ZDHHC15: variants seen among roughly 807,000 people sequenced by gnomAD.
ZDHHC15 encodes the protein zDHHC palmitoyltransferase 15.
In ZDHHC15, 19 loss-of-function variants were observed where a neutral mutation model predicts 31.7. The observed-to-expected ratio is 0.60, with a 90% CI of 0.42 to 0.88. ZDHHC15 has a LOEUF of 0.88. ZDHHC15 is among the 40% of genes least tolerant of loss of function. ZDHHC15 has a pLI of 0.00. For missense variants in ZDHHC15, 209 were observed against 251.2 expected, an observed-to-expected ratio of 0.83 and a Z score of 1.14; for synonymous variants, 103 against 90.0, an observed-to-expected ratio of 1.14 and a Z score of -0.82.
chrX:75,459,010 AAC>A (rs749549092), intron 3 of ZDHHC15, among the ~76,000 whole-genome samples: 1,467 of 93,865 alleles, frequency 0.016, 54 homozygotes, highest in Middle Eastern at 0.024. Flanking sequence ...AAAAAAAAAA[AAC>A]AACCCCCAGC....
chrX:75,415,189 C>A (rs983780306), intron 10 of ZDHHC15, among the ~76,000 whole-genome samples: 5 of 111,904 alleles, frequency 4.5e-5, no homozygotes, highest in African/African-American at 1.6e-4. Flanking sequence ...ACTTACAGCA[C>A]CTTTCCTAGG....
chrX:75,385,464 G>C (rs139644826), intron 10 of ZDHHC15, among the ~76,000 whole-genome samples: 3 of 111,615 alleles, frequency 2.7e-5, no homozygotes, highest in African/African-American at 9.8e-5. Flanking sequence ...TTAGTCTTAC[G>C]TCTAAGGTCC....
chrX:75,383,734 GGTTTTTTTT>G (rs1220129457), intron 10 of ZDHHC15, among the ~76,000 whole-genome samples: 2 of 77,793 alleles, frequency 2.6e-5, no homozygotes, highest in Non-Finnish European at 4.8e-5. Context: ...AGAAATGTTA[GGTTTTTTTT>G]TTTTTTTTTT....
At chrX:75,506,441 T>A (rs1354188145) in intron 1 of ZDHHC15, among the ~76,000 whole-genome samples, 1 of 111,832 alleles carries the variant, frequency 8.9e-6, no homozygotes, top group Non-Finnish European at 1.9e-5. Flanking sequence ...CACATATAGG[T>A]CTATTTTATT....
At chrX:75,476,256 T>G (rs1419734314) in intron 3 of ZDHHC15, among the ~76,000 whole-genome samples, 1 of 111,310 alleles carries the variant, frequency 9.0e-6, no homozygotes, top group Non-Finnish European at 1.9e-5. Context: ...TTCTTATTTT[T>G]TTTTTTAAGA....
chrX:75,510,767 C>T (rs1377176873), intron 1 of ZDHHC15, among the ~76,000 whole-genome samples: 1 of 74,692 alleles, frequency 1.3e-5, no homozygotes, highest in Admixed American at 1.8e-4. Context: ...TGATATTCCC[C>T]TTCCTGTGTC....
intron 2 of ZDHHC15, among the ~76,000 whole-genome samples, chrX:75,497,493 C>T (rs183715194): frequency 1.8e-4 from 20 of 111,110 alleles, no homozygotes; most frequent in Admixed American, 6.7e-4. Context: ...CCAGTATCGC[C>T]CTAATACCAA....
intron 10 of ZDHHC15, among the ~76,000 whole-genome samples, chrX:75,389,771 C>T (rs767204557): frequency 9.1e-6 from 1 of 110,257 alleles, no homozygotes; most frequent in African/African-American, 3.3e-5. Flanking sequence ...TAGGTGTCAC[C>T]CAACATATGC....
rs747127842 is a variant in ZDHHC15 at position 75,522,994 on chromosome X, C to G, written c.31G>C (p.Gly11Arg). The change falls in exon 1 of 12, where the codon GGG becomes CGG. Residue 11 changes from glycine (G) to arginine (R), a missense_variant. By Grantham distance (125) the Gly-to-Arg change is moderately radical. Transcript: ENST00000373367. ...ACCCGGCGGCAGCACCGCAGCCCCC[C>G]AGACAGAGCCATCTTCCAGCCTCGC... MRRGWKMALS[G>R]GLRCCRRVLS... is the part of the protein sequence containing the mutation. 1 of 1,210,998 alleles carries G rather than the reference C, an allele frequency of 8.3e-7. No individual in the cohort carries two copies. Among genetic ancestry groups the G allele is most frequent in the Non-Finnish European group, 1.1e-6 (1 of 895,107 alleles).
chrX:75,384,989 T>G (rs1253879061), intron 10 of ZDHHC15, among the ~76,000 whole-genome samples: 4 of 112,276 alleles, frequency 3.6e-5, no homozygotes, highest in African/African-American at 1.3e-4. Flanking sequence ...AAGTACTTTC[T>G]TTGAGGTAGA....
chrX:75,437,968 G>A (rs1306359741), intron 4 of ZDHHC15, among the ~76,000 whole-genome samples: 1 of 110,922 alleles, frequency 9.0e-6, no homozygotes, highest in African/African-American at 3.3e-5. Flanking sequence ...AGTGGGCAAA[G>A]GACATGAACA....
intron 3 of ZDHHC15, among the ~76,000 whole-genome samples, chrX:75,457,680 C>G (rs1235498929): frequency 1.8e-5 from 2 of 109,227 alleles, no homozygotes; most frequent in Non-Finnish European, 3.8e-5. Flanking sequence ...CACACACACA[C>G]AGAGTCTCTG....
intron 3 of ZDHHC15, among the ~76,000 whole-genome samples, chrX:75,456,210 C>T (rs1034805963): frequency 1.8e-5 from 2 of 110,797 alleles, no homozygotes; most frequent in Non-Finnish European, 3.8e-5. Flanking sequence ...GTAGCAACAT[C>T]GATGAAGCTG....
chrX:75,509,743 C>A (rs1041120431), intron 1 of ZDHHC15, among the ~76,000 whole-genome samples: 1 of 112,472 alleles, frequency 8.9e-6, no homozygotes, highest in Non-Finnish European at 1.9e-5. Flanking sequence ...TAAGTAATAA[C>A]ATATGTGTAA....
chrX:75,500,405 T>C, intron 2 of ZDHHC15, among the ~76,000 whole-genome samples: 1 of 109,339 alleles, frequency 9.1e-6, no homozygotes, highest in Non-Finnish European at 1.9e-5. Context: ...TATTAAAAAA[T>C]ATAGTTTCAG....
At chrX:75,412,652 C>T (rs1036991139) in intron 10 of ZDHHC15, among the ~76,000 whole-genome samples, 9 of 110,764 alleles carry the variant, frequency 8.1e-5, no homozygotes, top group Non-Finnish European at 1.3e-4. Flanking sequence ...AGGATGGTCT[C>T]GATCTCCTGA....
intron 3 of ZDHHC15, among the ~76,000 whole-genome samples, chrX:75,462,219 A>G (rs1239680074): frequency 8.9e-6 from 1 of 112,737 alleles, no homozygotes; most frequent in African/African-American, 3.2e-5. Context: ...CAATTCAACA[A>G]GAAGAGCTTT....
chrX:75,520,126 G>A (rs1346955268), intron 1 of ZDHHC15, among the ~76,000 whole-genome samples: 1 of 112,024 alleles, frequency 8.9e-6, no homozygotes, highest in Non-Finnish European at 1.9e-5. Context: ...AACAAGTAAT[G>A]ATAGTATATA....
chrX:75,450,609 T>A (rs936846503), intron 4 of ZDHHC15, 193 bp downstream of exon 4: 8 of 878,911 alleles, frequency 9.1e-6, no homozygotes, highest in Admixed American at 6.6e-5. Flanking sequence ...GGGTATACAG[T>A]TTGTTTACTA....
Sources: gnomAD v4.1 joint callset for allele counts (sites outside exome capture counted in the v4.1 genomes callset) on GRCh38, gnomAD v4.1.1 for gene constraint, MANE v1.5 for transcripts, NCBI Gene and HGNC (gene_info 2026-07-23, HGNC 2026-07-21) for gene names.